Variants in PTPRN2 observed in about 807,000 individuals in gnomAD.
PTPRN2 encodes the protein protein tyrosine phosphatase receptor type N2.
Under a neutral mutation model 118.8 loss-of-function variants are expected in PTPRN2, and 74 were observed. That is an observed-to-expected ratio of 0.62 (90% CI 0.52 to 0.76). PTPRN2 has a LOEUF of 0.76. Among genes scored for constraint, PTPRN2 ranks in the 30% least tolerant of loss-of-function variants. The pLI, the probability that PTPRN2 is intolerant of heterozygous loss-of-function variation, is 0.00. For missense variants in PTPRN2, 1,481 were observed against 1,394.4 expected, an observed-to-expected ratio of 1.06 and a Z score of -0.99; for synonymous variants, 641 against 608.0, an observed-to-expected ratio of 1.05 and a Z score of -0.80.
At chr7:158,396,049 C>T (rs1176057477) in intron 2 of PTPRN2, among the ~76,000 whole-genome samples, 1 of 152,124 alleles carries the variant, frequency 6.6e-6, no homozygotes, top group Non-Finnish European at 1.5e-5. Flanking sequence ...TCTCAACAGC[C>T]ACATCGCAGG....
intron 21 of PTPRN2, among the ~76,000 whole-genome samples, chr7:157,558,847 T>C (rs1290897370): frequency 6.6e-6 from 1 of 152,186 alleles, no homozygotes; most frequent in Admixed American, 6.5e-5. Context: ...AGAAAGTGCC[T>C]GGGCTGGGGA....
At chr7:158,133,547 G>T in intron 9 of PTPRN2, 130 bp downstream of exon 9, 1 of 1,303,922 alleles carries the variant, frequency 7.7e-7, no homozygotes, top group Non-Finnish European at 1.0e-6. Flanking sequence ...AGGGATGCCT[G>T]CACCCCATTA....
chr7:158,342,936 A>G (rs970209901), intron 2 of PTPRN2, among the ~76,000 whole-genome samples: 2 of 152,198 alleles, frequency 1.3e-5, no homozygotes, highest in Admixed American at 6.5e-5. Context: ...GGCAGGGTGG[A>G]CAAGTGCTGG....
In PTPRN2 at chr7:158,555,272, T is replaced by C. The variant is rs948360911; in HGVS notation, c.112+32286A>G. ...ACTGCAAGATCCCACAGCTGCCTTT[T>C]GGGGGAGGTTGGGGCTTATGCCTTA... On this transcript the variant is annotated intron_variant, in intron 1 of 22. Transcript: ENST00000389418. The surrounding 1 kb of genome is among the most constrained non-coding windows in gnomAD (Gnocchi z 4.7). 2.0e-5 allele frequency among the ~76,000 whole-genome samples: 3 copies of C among 152,182 alleles called. No individual in the cohort carries two copies. The highest frequency in any genetic ancestry group is 4.4e-5 in the Non-Finnish European group (3 of 68,014).
In PTPRN2 at chr7:157,872,231, A is replaced by G. The variant is rs1445914622; in HGVS notation, c.1788+26442T>C. On this transcript the variant is annotated intron_variant, in intron 12 of 22. Transcript: ENST00000389418. ...GTGTCCTCCGCATACACACATACCCAGTGTCCTCCCCACACACACATATCC... is the reference window on the plus strand; with the variant it reads ...GTGTCCTCCGCATACACACATACCCGGTGTCCTCCCCACACACACATATCC... Among the ~76,000 whole-genome samples, 85 of 120,084 alleles carry G rather than the reference A, an allele frequency of 7.1e-4. 1 individual carries two copies. Among genetic ancestry groups the G allele is most frequent in the Non-Finnish European group, 1.2e-3 (71 of 58,844 alleles). The allele number at this position is 120,084 out of a possible 152,430, so 78.8% of individuals were successfully genotyped here. A position where few individuals can be genotyped will look rare whatever the true frequency, so the allele number is the denominator to read the frequency against.
At chr7:158,254,276 A>G (rs1796880821) in intron 3 of PTPRN2, among the ~76,000 whole-genome samples, 1 of 41,630 alleles carries the variant, frequency 2.4e-5, no homozygotes, top group African/African-American at 9.4e-5. Context: ...TGCCCACGGC[A>G]CGACCCGCCC....
chr7:158,208,239 G>T (rs1563605621), intron 3 of PTPRN2, among the ~76,000 whole-genome samples: 1 of 152,154 alleles, frequency 6.6e-6, no homozygotes, highest in Non-Finnish European at 1.5e-5. Flanking sequence ...TAGTTGAAAG[G>T]ATAATAATGA....
intron 3 of PTPRN2, among the ~76,000 whole-genome samples, chr7:158,274,726 C>T (rs368228370): frequency 6.6e-6 from 1 of 152,156 alleles, no homozygotes; most frequent in Non-Finnish European, 1.5e-5. Context: ...GGCTCAGGTA[C>T]CCTACGGGGG....
At chr7:158,443,566 C>T (rs1266721035) in intron 2 of PTPRN2, among the ~76,000 whole-genome samples, 4 of 152,032 alleles carry the variant, frequency 2.6e-5, no homozygotes, top group African/African-American at 9.7e-5. Context: ...GGAGGAGCGG[C>T]GTGGGGCGAC....
At chr7:158,548,751 G>T (rs1826451176) in intron 1 of PTPRN2, among the ~76,000 whole-genome samples, 1 of 152,236 alleles carries the variant, frequency 6.6e-6, no homozygotes, top group Non-Finnish European at 1.5e-5. Context: ...TCTAAGCCCA[G>T]TGTGGGACCA....
At chr7:158,108,521 C>G (rs1041890223) in intron 10 of PTPRN2, among the ~76,000 whole-genome samples, 1 of 152,184 alleles carries the variant, frequency 6.6e-6, no homozygotes, top group African/African-American at 2.4e-5. Flanking sequence ...ATGTATGGAG[C>G]CCCCTGTCCC....
rs375646771 is a variant in PTPRN2 at position 158,446,989 on chromosome 7, A to G, written c.163+42746T>C. On this transcript the variant is annotated intron_variant, in intron 2 of 22. Transcript: ENST00000389418. Reference sequence around the variant, plus strand: ...AGAAGCCCACGGGTGGCTTTGAAAGAGATGAAGGCGGTGACATACGTGCCC... The same window carrying G: ...AGAAGCCCACGGGTGGCTTTGAAAGGGATGAAGGCGGTGACATACGTGCCC... 1.1e-4 allele frequency among the ~76,000 whole-genome samples: 16 copies of G among 152,338 alleles called. No individual in the cohort carries two copies. The East Asian group carries it at 1.7e-3, about 17-fold the overall frequency.
chr7:158,123,806 C>T (rs748029539), intron 9 of PTPRN2, among the ~76,000 whole-genome samples: 3 of 152,186 alleles, frequency 2.0e-5, no homozygotes, highest in African/African-American at 7.2e-5. Context: ...CAAATAGGAT[C>T]GGGAAGTGCC....
At chr7:158,144,249 G>A (rs1819667294) in intron 6 of PTPRN2, among the ~76,000 whole-genome samples, 1 of 152,124 alleles carries the variant, frequency 6.6e-6, no homozygotes, top group East Asian at 1.9e-4. Flanking sequence ...ACTTTTCTGA[G>A]CCCCCCAAGG....
rs536087489 is a variant in PTPRN2, at chr7:158,196,213, C to T, written c.381-3718G>A. Among the ~76,000 whole-genome samples, 87 of 152,330 alleles carry T rather than the reference C, an allele frequency of 5.7e-4. 2 individuals carry two copies. In the South Asian group the frequency reaches 0.018, roughly 31 times the overall value. ...AAGGTCATCAGTCATCTACCAAATC[C>T]TCAGCAGTGGCTGAAAATCTCCAGG... On this transcript the variant is annotated intron_variant, in intron 4 of 22. Coordinates refer to ENST00000389418, the MANE Select transcript of PTPRN2 (RefSeq NM_002847.5).
At chr7:158,460,835 G>C (rs1435674227) in intron 2 of PTPRN2, among the ~76,000 whole-genome samples, 1 of 152,228 alleles carries the variant, frequency 6.6e-6, no homozygotes, top group South Asian at 2.1e-4. Context: ...GGCAAAGCCT[G>C]CCTAGAAATA....
chr7:158,327,476 CACAT>C (rs10531389), intron 2 of PTPRN2, among the ~76,000 whole-genome samples: 49,336 of 151,776 alleles, frequency 0.33, 8,784 homozygotes, highest in Middle Eastern at 0.43. Flanking sequence ...CACGTTCTCA[CACAT>C]ACATTCTCAC....
chr7:157,826,474 C>T (rs1278004450), intron 12 of PTPRN2, among the ~76,000 whole-genome samples: 1 of 28,472 alleles, frequency 3.5e-5, no homozygotes, highest in South Asian at 1.7e-3. Context: ...CAATCGCGAG[C>T]GCCATTTCCA....
chr7:158,329,634 C>A (rs1803974270), intron 2 of PTPRN2, among the ~76,000 whole-genome samples: 1 of 152,202 alleles, frequency 6.6e-6, no homozygotes, highest in South Asian at 2.1e-4. Context: ...AAATCAATGT[C>A]TGCTGTTTCT....
Sources: allele counts gnomAD v4.1 joint callset (sites outside exome capture counted in the v4.1 genomes callset), GRCh38; gene constraint gnomAD v4.1.1; non-coding constraint Gnocchi (gnomAD v3.1); transcripts MANE v1.5; gene names NCBI Gene and HGNC (gene_info 2026-07-23, HGNC 2026-07-21).